The following SPSB4 variants were observed in gnomAD, a reference collection of about 807,000 sequenced individuals.
SPSB4 encodes splA/ryanodine receptor domain and SOCS box containing 4, also known as SPRY domain-containing SOCS box protein 4.
In SPSB4, 21 loss-of-function variants were observed where a neutral mutation model predicts 20.9. That is an observed-to-expected ratio of 1.01 (90% CI 0.71 to 1.45). The LOEUF (loss-of-function observed/expected upper bound fraction) is 1.45. Among genes scored for constraint, SPSB4 ranks in the 40% most tolerant of loss-of-function variants. The probability of loss-of-function intolerance (pLI) is 0.00; values close to 1 mark genes in which losing one functional copy is unlikely to be tolerated. For missense variants in SPSB4, 399 were observed against 399.2 expected (o/e 1.00, Z 0.00); for synonymous variants, 207 against 183.8 (o/e 1.13, Z -1.02).
intron 2 of SPSB4, among the ~76,000 whole-genome samples, chr3:141,074,006 CAT>C (rs1229126722): frequency 6.6e-6 from 1 of 152,240 alleles, no homozygotes; most frequent in Non-Finnish European, 1.5e-5. Flanking sequence ...TTCATATTAA[CAT>C]AGTCATAATT....
intron 2 of SPSB4, among the ~76,000 whole-genome samples, chr3:141,094,762 G>A (rs1345044046): frequency 7.7e-6 from 1 of 130,234 alleles, no homozygotes; most frequent in Non-Finnish European, 1.7e-5. Flanking sequence ...CTTGTGCCCT[G>A]CCCGCCCCCC....
At chr3:141,059,497 C>T (rs1165397847) in intron 1 of SPSB4, among the ~76,000 whole-genome samples, 1 of 88,728 alleles carries the variant, frequency 1.1e-5, no homozygotes, top group African/African-American at 4.5e-5. Context: ...GAGCAAGAGG[C>T]GGGGGTGGGG....
At chr3:141,080,969 C>T (rs1302129658) in intron 2 of SPSB4, among the ~76,000 whole-genome samples, 2 of 152,194 alleles carry the variant, frequency 1.3e-5, no homozygotes, top group African/African-American at 4.8e-5. Flanking sequence ...GCTCTGTGAC[C>T]TCGGGGAAGT....
chr3:141,074,787 C>T (rs74717062), intron 2 of SPSB4, among the ~76,000 whole-genome samples: 1,854 of 152,318 alleles, frequency 0.012, 44 homozygotes, highest in African/African-American at 0.042. Context: ...TGAGGGCCGG[C>T]GTCCACCTCT....
chr3:141,062,584 G>C (rs1301945763), intron 1 of SPSB4, among the ~76,000 whole-genome samples: 4 of 152,034 alleles, frequency 2.6e-5, no homozygotes. Context: ...AATGCTTTTT[G>C]TTATTGTTGT....
intron 2 of SPSB4, among the ~76,000 whole-genome samples, chr3:141,144,014 G>A (rs760751221): frequency 5.3e-5 from 8 of 152,226 alleles, no homozygotes; most frequent in Non-Finnish European, 1.2e-4. Context: ...ACATTTATTT[G>A]TTCATCAGTT....
intron 2 of SPSB4, among the ~76,000 whole-genome samples, chr3:141,130,000 C>G (rs1939109805): frequency 6.6e-6 from 1 of 152,172 alleles, no homozygotes; most frequent in Admixed American, 6.6e-5. Context: ...TAGTCACAAC[C>G]CTTTTTGCTG....
At chr3:141,104,529 T>C (rs1938658925) in intron 2 of SPSB4, among the ~76,000 whole-genome samples, 1 of 152,122 alleles carries the variant, frequency 6.6e-6, no homozygotes, top group South Asian at 2.1e-4. Context: ...GCTGGGGTTG[T>C]TTTTGGCAGC....
At chr3:141,078,925 G>C (rs1465334878) in intron 2 of SPSB4, among the ~76,000 whole-genome samples, 2 of 152,176 alleles carry the variant, frequency 1.3e-5, no homozygotes, top group East Asian at 1.9e-4. Flanking sequence ...TGTGTTTGTT[G>C]AATGAGCTGC....
At chr3:141,128,490 G>T (rs1057212827) in intron 2 of SPSB4, among the ~76,000 whole-genome samples, 2 of 152,156 alleles carry the variant, frequency 1.3e-5, no homozygotes, top group Non-Finnish European at 2.9e-5. Context: ...CAAACAGAAG[G>T]TGGGTGTGGA....
At chr3:141,146,304 G>A (rs997674371) in intron 2 of SPSB4, among the ~76,000 whole-genome samples, 11 of 152,156 alleles carry the variant, frequency 7.2e-5, no homozygotes, top group African/African-American at 2.7e-4. Flanking sequence ...GGAAGAAAAT[G>A]TAACCCGCTG....
chr3:141,132,214 C>G (rs902638658), intron 2 of SPSB4: 1 of 433,112 alleles, frequency 2.3e-6, no homozygotes, highest in South Asian at 1.6e-5. Context: ...GTTGCCCTGG[C>G]CAAAGTGCAG....
At chr3:141,087,300 G>A (rs995806190) in intron 2 of SPSB4, among the ~76,000 whole-genome samples, 1 of 152,204 alleles carries the variant, frequency 6.6e-6, no homozygotes, top group Non-Finnish European at 1.5e-5. Context: ...TAGACTTCCT[G>A]TAGGCAGTGG....
chr3:141,083,497 G>A (rs1301526713), intron 2 of SPSB4, among the ~76,000 whole-genome samples: 2 of 152,074 alleles, frequency 1.3e-5, no homozygotes, highest in Non-Finnish European at 2.9e-5. Flanking sequence ...TGACCCTTTT[G>A]TGTGGCACCC....
At chr3:141,108,294 A>G (rs1938733344) in intron 2 of SPSB4, among the ~76,000 whole-genome samples, 1 of 152,082 alleles carries the variant, frequency 6.6e-6, no homozygotes, top group Admixed American at 6.5e-5. Flanking sequence ...CCACAAAATC[A>G]ATTACTGCAG....
Position 141,066,699 on chromosome 3 carries a change from G to T in SPSB4, c.595G>T (p.Val199Leu). The T allele has an allele frequency of 6.2e-7, 1 of 1,612,876 alleles. No individual in the cohort carries two copies. The highest frequency in any genetic ancestry group is 1.1e-5 in the South Asian group (1 of 90,904). The change falls in exon 2 of 3, where the codon GTG becomes TTG. Residue 199 changes from valine to leucine, a missense_variant. Physicochemically the swap from Val to Leu is conservative, Grantham distance 32 (BLOSUM62 1). Transcript: ENST00000310546. ...CATCGTGGATGGCCAGTACCTGGGCGTGGCCTTCCGAGGTCTCAAGGGCAA... is the reference window on the plus strand; with the variant it reads ...CATCGTGGATGGCCAGTACCTGGGCTTGGCCTTCCGAGGTCTCAAGGGCAA... ...SFIVDGQYLGVAFRGLKGKKL... is the reference protein window; with the variant it reads ...SFIVDGQYLGLAFRGLKGKKL...
intron 2 of SPSB4, among the ~76,000 whole-genome samples, chr3:141,084,047 T>C (rs1938293905): frequency 6.6e-6 from 1 of 152,152 alleles, no homozygotes; most frequent in Admixed American, 6.5e-5. Flanking sequence ...CGGCTAATAA[T>C]GGCAGAGCGA....
intron 1 of SPSB4, among the ~76,000 whole-genome samples, chr3:141,053,212 G>C (rs532677956): frequency 9.7e-4 from 141 of 145,936 alleles, no homozygotes; most frequent in East Asian, 7.1e-3. Flanking sequence ...CCCCTTTCTG[G>C]CCCCCTGCCC....
rs749098651 is a variant in SPSB4 at position 141,066,598 on chromosome 3, T to C, written c.494T>C (p.Leu165Pro). The change falls in exon 2 of 3, where the codon CTG becomes CCG. Residue 165 changes from leucine (L) to proline (P), a missense_variant. By Grantham distance (98) the Leu-to-Pro change is moderately conservative (BLOSUM62 -3). Coordinates refer to ENST00000310546, the MANE Select transcript of SPSB4 (RefSeq NM_080862.3). ...CCCGGCGTGGCCTACCCGGCCTTTC[T>C]GGGGCCCGACGAGGCCTTTGCGCTG... ...NQPGVAYPAF[L>P]GPDEAFALPD... 1 of 1,579,672 alleles carries C rather than the reference T, an allele frequency of 6.3e-7. No individual in the cohort carries two copies. The highest frequency in any genetic ancestry group is 8.6e-7 in the Non-Finnish European group (1 of 1,163,198).
Sources: allele counts gnomAD v4.1 joint callset (sites outside exome capture counted in the v4.1 genomes callset), GRCh38; gene constraint gnomAD v4.1.1; transcripts MANE v1.5; gene names NCBI Gene and HGNC (gene_info 2026-07-23, HGNC 2026-07-21).